The following PTK2 variants were observed in gnomAD, a reference collection of about 807,000 sequenced individuals.
The protein encoded by PTK2 is focal adhesion kinase 1.
Under a neutral mutation model 150.1 loss-of-function variants are expected in PTK2, and 45 were observed. The observed-to-expected ratio is 0.30, with a 90% CI of 0.24 to 0.38. The LOEUF (loss-of-function observed/expected upper bound fraction) is 0.38, where lower values mean the gene tolerates loss of function less well. Among genes scored for constraint, PTK2 ranks in the 10% least tolerant of loss-of-function variants. PTK2 has a pLI of 1.00. For synonymous variants in PTK2, 432 were observed against 449.2 expected (o/e 0.96, Z 0.48); for missense variants, 919 against 1,307.3 (o/e 0.70, Z 4.58).
intron 2 of PTK2, among the ~76,000 whole-genome samples, chr8:140,917,631 A>G (rs1053489907): frequency 1.3e-5 from 2 of 152,230 alleles, no homozygotes; most frequent in Non-Finnish European, 1.5e-5. Flanking sequence ...ATTAATCACA[A>G]GATTTTAGCT....
intron 8 of PTK2, among the ~76,000 whole-genome samples, chr8:140,828,353 T>C (rs1043601334): frequency 4.6e-5 from 7 of 152,112 alleles, no homozygotes; most frequent in Admixed American, 3.9e-4. Context: ...ACCGAACCTC[T>C]TTGGGCACCT....
chr8:140,907,264 A>T (rs1464109231), intron 2 of PTK2, among the ~76,000 whole-genome samples: 1 of 152,168 alleles, frequency 6.6e-6, no homozygotes, highest in Admixed American at 6.6e-5. Context: ...TCCCTAACCT[A>T]AATGTTTAGG....
intron 1 of PTK2, among the ~76,000 whole-genome samples, chr8:140,975,707 G>C (rs958846318): frequency 6.6e-6 from 1 of 152,192 alleles, no homozygotes; most frequent in Non-Finnish European, 1.5e-5. Context: ...CGGCCTTTAA[G>C]AGGGGAAGTC....
intron 20 of PTK2, among the ~76,000 whole-genome samples, chr8:140,740,724 G>A (rs977766713): frequency 6.6e-6 from 1 of 152,200 alleles, no homozygotes; most frequent in African/African-American, 2.4e-5. Context: ...TAAGATTGAA[G>A]CTGGATATAA....
chr8:140,780,676 C>T (rs771595065), intron 14 of PTK2, among the ~76,000 whole-genome samples: 3 of 152,132 alleles, frequency 2.0e-5, no homozygotes, highest in Non-Finnish European at 2.9e-5. Flanking sequence ...CTTGTTTAGA[C>T]GAAACCACAT....
At chr8:140,817,227 A>T (rs2100105233) in intron 10 of PTK2, among the ~76,000 whole-genome samples, 1 of 152,204 alleles carries the variant, frequency 6.6e-6, no homozygotes, top group East Asian at 1.9e-4. Context: ...TTACTAAATC[A>T]CTTACATGTT....
At chr8:140,962,062 G>A (rs150691556) in intron 1 of PTK2, among the ~76,000 whole-genome samples, 60 of 152,036 alleles carry the variant, frequency 3.9e-4, no homozygotes, top group African/African-American at 1.3e-3. Flanking sequence ...GGCCAACATG[G>A]CAAAACCCCG....
rs1475506959 is a variant in PTK2, at chr8:140,890,376, T to G, written c.195+167A>C. The stretch of plus-strand genomic sequence containing the variant: ...AACTTTACAACAATTAGAACGCTGG[T>G]CAGTCACATATTAACTAATAAATCT... On this transcript the variant is annotated intron_variant, in intron 3 of 31. Coordinates refer to ENST00000522684, the Ensembl canonical transcript of PTK2. 3 of 541,832 alleles carry G rather than the reference T, an allele frequency of 5.5e-6. No homozygotes were observed. In the East Asian group the frequency reaches 9.0e-5, roughly 16 times the overall value. 33.6% of individuals were successfully genotyped at this position (541,832 alleles called of 1,614,324 possible). A position where few individuals can be genotyped will look rare whatever the true frequency, so the allele number is the denominator to read the frequency against.
At chr8:140,730,953 ACC>A (rs10713091) in intron 22 of PTK2, among the ~76,000 whole-genome samples, 2,385 of 96,638 alleles carry the variant, frequency 0.025, 82 homozygotes, top group African/African-American at 0.08. Flanking sequence ...ATTAAATTAA[ACC>A]CCCCCCCCCC....
intron 31 of PTK2, among the ~76,000 whole-genome samples, chr8:140,664,420 C>A (rs1230454668): frequency 6.6e-6 from 1 of 152,232 alleles, no homozygotes; most frequent in Non-Finnish European, 1.5e-5. Context: ...GCGTGAGCTA[C>A]CATGCCTGGC....
intron 1 of PTK2, among the ~76,000 whole-genome samples, chr8:140,980,396 T>C (rs1056909187): frequency 8.5e-5 from 13 of 152,092 alleles, no homozygotes; most frequent in East Asian, 1.9e-4. Flanking sequence ...AGCAGGCGGA[T>C]TGGATCACGA....
exon 32 of PTK2, chr8:140,658,632 T>C: frequency 1.4e-5 from 3 of 207,412 alleles, no homozygotes; most frequent in Non-Finnish European, 3.0e-5. Flanking sequence ...GGCTGTAAAA[T>C]AGTCAACATG....
chr8:140,772,891 T>A (rs1431763359), intron 14 of PTK2, among the ~76,000 whole-genome samples: 2 of 152,184 alleles, frequency 1.3e-5, no homozygotes, highest in Non-Finnish European at 2.9e-5. Flanking sequence ...GCCAGACAGT[T>A]TGGATTCAAA....
chr8:140,700,946 T>C (rs1225367710), exon 26 of PTK2: 1 of 1,614,182 alleles, frequency 6.2e-7, no homozygotes, highest in East Asian at 2.2e-5. Context: ...TTCCTGTTGC[T>C]GTCGGATTAG....
chr8:140,817,655 CA>C (rs2100105571), intron 10 of PTK2, among the ~76,000 whole-genome samples: 1 of 152,122 alleles, frequency 6.6e-6, no homozygotes. Flanking sequence ...TACATAAAGA[CA>C]AAGGACTTCT....
chr8:140,986,140 T>C (rs557026767), intron 1 of PTK2, among the ~76,000 whole-genome samples: 22 of 152,272 alleles, frequency 1.4e-4, no homozygotes, highest in African/African-American at 5.1e-4. Flanking sequence ...CGCTGCCCAA[T>C]GTAGTAGCCA....
At chr8:140,831,432 C>T (rs1421109924) in intron 7 of PTK2, among the ~76,000 whole-genome samples, 1 of 152,150 alleles carries the variant, frequency 6.6e-6, no homozygotes, top group Non-Finnish European at 1.5e-5. Context: ...TATAAAGTAT[C>T]AAGAAACAGG....
In PTK2 at chr8:140,674,890, T is replaced by TAA. The variant is rs201910315; in HGVS notation, c.2603-488_2603-487dup. ...GATGAAACCCCATCTCTAGTAAAAT[T>TAA]AAAAAAAAAAAAGAAAAGAAAAGAA... On this transcript the variant is annotated intron_variant, in intron 28 of 31. Transcript: ENST00000522684. Among the ~76,000 whole-genome samples the TAA allele has an allele frequency of 4.7e-4, 65 of 138,186 alleles. 1 individual carries two copies. The highest frequency in any genetic ancestry group is 7.8e-4 in the Non-Finnish European group (50 of 64,146). 90.7% of individuals were successfully genotyped at this position (138,186 alleles called of 152,430 possible).
At chr8:140,873,674 C>G (rs2100143906) in intron 4 of PTK2, among the ~76,000 whole-genome samples, 1 of 152,110 alleles carries the variant, frequency 6.6e-6, no homozygotes, top group Admixed American at 6.5e-5. Context: ...CCACGTTAGT[C>G]AGGCTGGTCT....
Sources: allele counts gnomAD v4.1 joint callset (sites outside exome capture counted in the v4.1 genomes callset), GRCh38; gene constraint gnomAD v4.1.1; transcripts MANE v1.5; gene names NCBI Gene and HGNC (gene_info 2026-07-23, HGNC 2026-07-21).